PIEZO1: variants seen among roughly 807,000 people sequenced by gnomAD.
PIEZO1 encodes piezo type mechanosensitive ion channel component 1 (Er blood group).
PIEZO1 carries 296 observed loss-of-function variants against 297.2 expected under a neutral mutation model. The observed-to-expected ratio is 1.00, with a 90% CI of 0.91 to 1.10. PIEZO1 has a LOEUF of 1.10. Ranked by LOEUF, PIEZO1 falls within the 50% of genes least tolerant of loss-of-function variation. The probability of loss-of-function intolerance (pLI) is 0.00; values close to 1 mark genes in which losing one functional copy is unlikely to be tolerated. For missense variants in PIEZO1, 5,018 were observed against 3,455.5 expected, an observed-to-expected ratio of 1.45 and a Z score of -11.34; for synonymous variants, 2,427 against 1,507.5, an observed-to-expected ratio of 1.61 and a Z score of -14.13.
Position 88,727,597 on chromosome 16 carries a change from C to T in PIEZO1, c.3261G>A (p.Leu1087=). 6.5e-7 allele frequency: 1 copy of T among 1,535,334 alleles called. No homozygotes were observed. The highest frequency in any genetic ancestry group is 2.5e-5 in the East Asian group (1 of 40,516). The change falls in exon 23 of 51, where the codon CTG becomes CTA. Residue 1087 remains leucine, a synonymous_variant. Transcript: ENST00000301015. ...MNSALIKWLY[L]PDFFRAPNST... ...AGTTGGGGGCCCGGAAGAAATCAGG[C>T]AGGTACAGCCACTTGATGAGTGCGG...
chr16:88,741,053 A>T, intron 5 of PIEZO1: 1 of 157,160 alleles, frequency 6.4e-6, no homozygotes. Context: ...CCTGGGGTCC[A>T]GGCCCCTGCT....
chr16:88,717,495 A>G lies in PIEZO1; in HGVS notation c.6472-284T>C, dbSNP rs7186082. ...TGCAGGCACCGCCCCAGGCAGGAGAATGAAACGCAACTCCTGCCTCATACC... is the reference window on the plus strand; with the variant it reads ...TGCAGGCACCGCCCCAGGCAGGAGAGTGAAACGCAACTCCTGCCTCATACC... On this transcript the variant is annotated intron_variant, in intron 44 of 50. Coordinates refer to ENST00000301015, the MANE Select transcript of PIEZO1 (RefSeq NM_001142864.4). 0.5 allele frequency: 282,980 copies of G among 570,354 alleles called. 73,723 individuals carry two copies. The highest frequency in any genetic ancestry group is 0.82 in the East Asian group (21,386 of 26,024). The allele number at this position is 570,354 out of a possible 1,614,324, so 35.3% of individuals were successfully genotyped here. A position where few individuals can be genotyped will look rare whatever the true frequency, so the allele number is the denominator to read the frequency against.
chr16:88,775,863 T>TA (rs991757115), intron 1 of PIEZO1, among the ~76,000 whole-genome samples: 33 of 152,182 alleles, frequency 2.2e-4, no homozygotes, highest in African/African-American at 6.3e-4. Flanking sequence ...CCCCATTGTT[T>TA]AAACAGCTGG....
intron 5 of PIEZO1, chr16:88,739,603 C>T (rs1905499610): frequency 6.6e-6 from 1 of 152,378 alleles, no homozygotes; most frequent in Admixed American, 6.5e-5. Context: ...GTCACAGCCT[C>T]TCGGAGCCTA....
Position 88,733,964 on chromosome 16 carries a change from G to GTCC in PIEZO1, c.2268_2270dup (p.Glu756dup), listed in dbSNP as rs59446030. The GTCC allele has an allele frequency of 6.2e-3, 9,464 of 1,523,102 alleles. 24 individuals are homozygous for GTCC. The highest frequency in any genetic ancestry group is 0.02 in the Middle Eastern group (117 of 5,890). 94.3% of individuals were successfully genotyped at this position (1,523,102 alleles called of 1,614,324 possible). A position where few individuals can be genotyped will look rare whatever the true frequency, so the allele number is the denominator to read the frequency against. On this transcript the variant is annotated inframe_insertion, in exon 17 of 51. Transcript: ENST00000301015. ...CCACGCCCAGCCCCTCGTCCCTGGA[G>GTCC]TCCTCCTCCTCCTCCTCCTCCTCCT...
chr16:88,772,073 CTA>C (rs976989197), intron 1 of PIEZO1, among the ~76,000 whole-genome samples: 1 of 142,512 alleles, frequency 7.0e-6, no homozygotes, highest in Non-Finnish European at 1.5e-5. Context: ...ACCTGAGACT[CTA>C]TGCCTGTCCA....
At position 88,726,270 on chromosome 16, in the gene PIEZO1, G is replaced by C. The variant is rs1322834120; in HGVS notation, c.3968+14C>G. The C allele has an allele frequency of 3.2e-6, 5 of 1,542,140 alleles. No homozygotes were observed. The highest frequency in any genetic ancestry group is 2.7e-5 in the African/African-American group (2 of 72,966). ...AAGACGGGAGCTCTGGGCTGTGTCT[G>C]GGCCCAAGCTTGCCTGGAGGCTAGC... On this transcript the variant is annotated intron_variant, in intron 27 of 50. Transcript: ENST00000301015.
At chr16:88,761,092 C>T (rs1473171105) in intron 1 of PIEZO1, among the ~76,000 whole-genome samples, 1 of 152,146 alleles carries the variant, frequency 6.6e-6, no homozygotes, top group Admixed American at 6.5e-5. Flanking sequence ...GGTGGGGGTC[C>T]GTCTGTGAAG....
chr16:88,755,890 G>A (rs80182975), intron 1 of PIEZO1, among the ~76,000 whole-genome samples: 2,099 of 152,270 alleles, frequency 0.014, 46 homozygotes, highest in African/African-American at 0.048. Context: ...AGCAGATCCT[G>A]ACATGAGAAA....
chr16:88,727,279 C>G (rs1482896110), intron 23 of PIEZO1, 87 bp from the exon 24 acceptor site: 5 of 1,392,780 alleles, frequency 3.6e-6, no homozygotes, highest in Non-Finnish European at 3.8e-6. Context: ...CACCCCAGGC[C>G]TGTCGGCGTG....
At chr16:88,763,373 C>G (rs1907018296) in intron 1 of PIEZO1, among the ~76,000 whole-genome samples, 1 of 152,224 alleles carries the variant, frequency 6.6e-6, no homozygotes. Flanking sequence ...GGGATTCTGT[C>G]TCTTCATCTA....
intron 2 of PIEZO1, among the ~76,000 whole-genome samples, chr16:88,747,230 C>T (rs1426890522): frequency 3.5e-5 from 4 of 115,878 alleles, no homozygotes; most frequent in Admixed American, 7.8e-5. Context: ...GACCCCCACT[C>T]GAAAAAAAAA....
intron 22 of PIEZO1, among the ~76,000 whole-genome samples, chr16:88,730,489 G>C (rs12102880): frequency 7.9e-5 from 12 of 151,156 alleles, no homozygotes; most frequent in African/African-American, 2.7e-4. Flanking sequence ...TCCTAGCCAC[G>C]AGGGAGGCTG....
chr16:88,734,981 A>G lies in PIEZO1; in HGVS notation c.1742T>C (p.Ile581Thr). 6.4e-7 allele frequency: 1 copy of G among 1,550,526 alleles called. No individual in the cohort carries two copies. The highest frequency in any genetic ancestry group is 8.7e-7 in the Non-Finnish European group (1 of 1,146,972). Residue 581 changes from isoleucine to threonine, a missense_variant, in exon 14 of 51, where the codon ATC (isoleucine) becomes ACC (threonine). Coordinates refer to ENST00000301015, the MANE Select transcript of PIEZO1 (RefSeq NM_001142864.4). Reference protein sequence around the residue: ...LVKGVYAKYWIYVCAGMFIVV... With the variant: ...LVKGVYAKYWTYVCAGMFIVV... ...GATGAACATGCCAGCACACACATAG[A>G]TCCAGTACTTGGCGTACACGCCCTT... is the stretch of plus-strand genomic sequence containing the variant.
chr16:88,725,955 G>A, intron 27 of PIEZO1: 1 of 568,696 alleles, frequency 1.8e-6, no homozygotes, highest in East Asian at 3.0e-5. Context: ...CCCCAAGCCA[G>A]AACCCCTCCC....
At chr16:88,726,684 G>A (rs769722702) in intron 25 of PIEZO1, 31 bp downstream of exon 25, 1 of 1,545,044 alleles carries the variant, frequency 6.5e-7, no homozygotes, top group Non-Finnish European at 8.8e-7. Flanking sequence ...GGGGCCCCAG[G>A]GCGGTGGGTG....
At chr16:88,741,107 C>A (rs1233934940) in intron 5 of PIEZO1, 1 of 172,432 alleles carries the variant, frequency 5.8e-6, no homozygotes, top group Admixed American at 6.0e-5. Flanking sequence ...GTGCATGGGG[C>A]CTGCTGGGGC....
At chr16:88,722,497 C>G in intron 35 of PIEZO1, 86 bp downstream of exon 35, 8 of 1,424,536 alleles carry the variant, frequency 5.6e-6, no homozygotes, top group East Asian at 2.5e-5. Flanking sequence ...CTTTGGGGTA[C>G]AAGGGAATGG....
At chr16:88,770,242 C>T (rs898482519) in intron 1 of PIEZO1, among the ~76,000 whole-genome samples, 11 of 152,176 alleles carry the variant, frequency 7.2e-5, no homozygotes, top group Non-Finnish European at 1.2e-4. Context: ...GCCTGGCAGG[C>T]GGCTCCCAGG....
Sources: gnomAD v4.1 joint callset for allele counts (sites outside exome capture counted in the v4.1 genomes callset) on GRCh38, gnomAD v4.1.1 for gene constraint, MANE v1.5 for transcripts, NCBI Gene and HGNC (gene_info 2026-07-23, HGNC 2026-07-21) for gene names.